CELSR3: variants seen among roughly 807,000 people sequenced by gnomAD.
CELSR3 encodes cadherin EGF LAG seven-pass G-type receptor 3.
Under a neutral mutation model 270.0 loss-of-function variants are expected in CELSR3, and 73 were observed. The ratio of observed to expected loss-of-function variants is 0.27; its 90% confidence interval spans 0.22 to 0.33. The LOEUF is 0.33. CELSR3 is among the 10% of genes least tolerant of loss of function. The pLI is 1.00. For synonymous variants in CELSR3, 1,780 were observed against 1,905.4 expected (o/e 0.93, Z 1.71); for missense variants, 3,614 against 4,533.8 (o/e 0.80, Z 5.83).
chr3:48,653,566 G>A lies in CELSR3; in HGVS notation c.5448+53C>T, dbSNP rs1184338600. On this transcript the variant is annotated intron_variant, in intron 9 of 34. Transcript: ENST00000164024. The surrounding 1 kb of genome is among the most constrained non-coding windows in gnomAD (Gnocchi z 6.5). ...ACCTGAACCCACAAGAATGTCAGTG[G>A]CGGCCTAAGAGACTGAGAACTGAGG... 1 of 1,578,344 alleles carries A rather than the reference G, an allele frequency of 6.3e-7. No individual in the cohort carries two copies. The highest frequency in any genetic ancestry group is 8.6e-7 in the Non-Finnish European group (1 of 1,156,616).
chr3:48,643,092 C>A lies in CELSR3; in HGVS notation c.8290-9G>T. On this transcript the variant is annotated splice_polypyrimidine_tract_variant and intron_variant, in intron 28 of 34. Coordinates refer to ENST00000164024, the MANE Select transcript of CELSR3 (RefSeq NM_001407.3). ...AGCAGCACCGCCAGGCCCTGTGGGT[C>A]AGCGAGGGTCAAAGCAGAGTCGGCA... 6.3e-7 allele frequency: 1 copy of A among 1,585,232 alleles called. No homozygotes were observed. The highest frequency in any genetic ancestry group is 1.1e-5 in the South Asian group (1 of 90,392).
In CELSR3 at chr3:48,650,432, C is replaced by CTGGG; in HGVS notation, c.6472+47_6472+48insCCCA. 1 of 1,208,942 alleles carries CTGGG rather than the reference C, an allele frequency of 8.3e-7. No homozygotes were observed. Among genetic ancestry groups the CTGGG allele is most frequent in the Non-Finnish European group, 1.2e-6 (1 of 844,582 alleles). The allele number at this position is 1,208,942 out of a possible 1,614,324, so 74.9% of individuals were successfully genotyped here. ...AGACATGGCTCTAGCAGTCAGAGTA[C>CTGGG]AGGCCCACCCCCACCCTCAGTGATG... is the stretch of plus-strand genomic sequence containing the variant. On this transcript the variant is annotated intron_variant, in intron 16 of 34. Coordinates refer to ENST00000164024, the MANE Select transcript of CELSR3 (RefSeq NM_001407.3). The surrounding 1 kb of genome is among the most constrained non-coding windows in gnomAD (Gnocchi z 5.1).
In CELSR3 at chr3:48,651,934, G is replaced by A; in HGVS notation, c.5866C>T (p.Pro1956Ser). The change falls in exon 12 of 35, where the codon CCA (proline) becomes TCA (serine). Residue 1956 changes from proline to serine, a missense_variant. This residue lies in a region of CELSR3 where 1,331 missense variants were observed against 1,933.7 expected (regional missense o/e 0.69). Transcript: ENST00000164024. The surrounding 1 kb of genome is among the most constrained non-coding windows in gnomAD (Gnocchi z 7.4). ...AGGTCCCGGCAGTCTGCGTGAGGTG[G>A]GCAGGGCCCAGAGGCACAGGCGTTG... ...VTNACASGPC[P>S]PHADCRDLWQ... 1 of 1,611,900 alleles carries A rather than the reference G, an allele frequency of 6.2e-7. No individual in the cohort carries two copies. Among genetic ancestry groups the A allele is most frequent in the Admixed American group, 1.7e-5 (1 of 59,684 alleles).
In CELSR3 at chr3:48,652,854, G is replaced by C. The variant is rs1024223378; in HGVS notation, c.5634+148C>G. On this transcript the variant is annotated intron_variant, in intron 10 of 34. Coordinates refer to ENST00000164024, the MANE Select transcript of CELSR3 (RefSeq NM_001407.3). The surrounding 1 kb of genome is among the most constrained non-coding windows in gnomAD (Gnocchi z 4.3). ...AACTTGGCTGGTGGGTGGGCTCAGT[G>C]CAAGGATATATGGTGGGGAACTAGG... 2.6e-6 allele frequency: 2 copies of C among 771,452 alleles called. No individual in the cohort carries two copies. The highest frequency in any genetic ancestry group is 3.4e-5 in the South Asian group (2 of 59,016). 47.8% of individuals were successfully genotyped at this position (771,452 alleles called of 1,614,324 possible).
rs990298492 is a variant in CELSR3 at position 48,645,707 on chromosome 3, C to A, written c.7590+35G>T. On this transcript the variant is annotated intron_variant, in intron 23 of 34. Coordinates refer to ENST00000164024, the MANE Select transcript of CELSR3 (RefSeq NM_001407.3). This position sits in a 1 kb window ranked among gnomAD's most constrained non-coding sequence, Gnocchi z 5.4. ...GGCAGAATCCCCGTGTCCCTTTGAC[C>A]CCCCACTTCCTTGGGACACTGAACA... 1.9e-6 allele frequency: 3 copies of A among 1,599,838 alleles called. No individual in the cohort carries two copies. The African/African-American group carries it at 4.0e-5, about 21-fold the overall frequency.
rs554742924 is a variant in CELSR3 at position 48,640,163 on chromosome 3, C to T, written c.9422G>A (p.Arg3141Gln). The change falls in exon 34 of 35, where the codon CGG becomes CAG. Residue 3141 changes from arginine to glutamine, a missense_variant. By Grantham distance (43) the Arg-to-Gln change is conservative (BLOSUM62 1). This residue lies in a region of CELSR3 where 1,240 missense variants were observed against 1,351.7 expected (regional missense o/e 0.92). Coordinates refer to ENST00000164024, the MANE Select transcript of CELSR3 (RefSeq NM_001407.3). This position sits in a 1 kb window ranked among gnomAD's most constrained non-coding sequence, Gnocchi z 7.5. ...PGAMAGRFGS[R>Q]DALDLGAPRE... is the part of the protein sequence containing the mutation. ...AGGTGCCCCTAAGTCGAGCGCATCC[C>T]GTGACCCGAAGCGGCCAGCCATGGC... 2.5e-5 allele frequency: 41 copies of T among 1,612,674 alleles called. No individual in the cohort carries two copies. The East Asian group carries it at 3.8e-4, about 15-fold the overall frequency.
chr3:48,653,838 C>T lies in CELSR3; in HGVS notation c.5278+40G>A. The T allele has an allele frequency of 3.1e-6, 5 of 1,612,268 alleles. No homozygotes were observed. The highest frequency in any genetic ancestry group is 4.2e-6 in the Non-Finnish European group (5 of 1,178,516). On this transcript the variant is annotated intron_variant, in intron 8 of 34. Coordinates refer to ENST00000164024, the MANE Select transcript of CELSR3 (RefSeq NM_001407.3). This position sits in a 1 kb window ranked among gnomAD's most constrained non-coding sequence, Gnocchi z 6.5. ...TACAGCCCCTGCCCCAGGAACAGAT[C>T]TGACCCTGCAGGCCCCTCTGCCCCA...
chr3:48,655,051 A>G lies in CELSR3; in HGVS notation c.4981T>C (p.Ser1661Pro), dbSNP rs1264661594. 6.2e-7 allele frequency: 1 copy of G among 1,613,668 alleles called. No homozygotes were observed. Among genetic ancestry groups the G allele is most frequent in the Non-Finnish European group, 8.5e-7 (1 of 1,179,838 alleles). The change falls in exon 6 of 35, where the codon TCC (serine) becomes CCC (proline). Residue 1661 changes from serine (S) to proline (P), a missense_variant. Coordinates refer to ENST00000164024, the MANE Select transcript of CELSR3 (RefSeq NM_001407.3). The surrounding 1 kb of genome is among the most constrained non-coding windows in gnomAD (Gnocchi z 5.8). ...SCAAAGVQTS[S>P]KKSLDLTGPL... is the part of the protein sequence containing the mutation. ...AGGGGGCAGGGGCCTCACTTCTTGG[A>G]GCTTGTTTGCACACCAGCAGCCGCG... is the stretch of plus-strand genomic sequence containing the variant.
chr3:48,647,816 C>T (rs756537418), intron 20 of CELSR3, 25 bp downstream of exon 20: 67 of 1,603,034 alleles, frequency 4.2e-5, no homozygotes, highest in Admixed American at 4.2e-4. Flanking sequence ...AGGACTTGGC[C>T]CAGGGGTCCC....
In CELSR3 at chr3:48,651,275, A is replaced by C; in HGVS notation, c.6186+84T>G. On this transcript the variant is annotated intron_variant, in intron 14 of 34. Coordinates refer to ENST00000164024, the MANE Select transcript of CELSR3 (RefSeq NM_001407.3). The surrounding 1 kb of genome is among the most constrained non-coding windows in gnomAD (Gnocchi z 7.4). Reference sequence around the variant, plus strand: ...GACACAGGCAAGAGGTTAGGGCCCAAGTCAGGTGGCGGAGGTCAGCAAGCT... The same window carrying C: ...GACACAGGCAAGAGGTTAGGGCCCACGTCAGGTGGCGGAGGTCAGCAAGCT... 1 of 1,582,250 alleles carries C rather than the reference A, an allele frequency of 6.3e-7. No homozygotes were observed.
Position 48,645,078 on chromosome 3 carries a change from G to A in CELSR3, c.7929C>T (p.Arg2643=), listed in dbSNP as rs755379489. ...CGCCCCAGCCCAGGGCATGGTAGAA[G>A]CGCATGGCGCCGCGGTCCACGTTGC... ...EPRNVDRGAM[R]FYHALGWGVP... The change falls in exon 25 of 35, where the codon CGC becomes CGT. Residue 2643 remains arginine (R), a synonymous_variant. Transcript: ENST00000164024. The surrounding 1 kb of genome is among the most constrained non-coding windows in gnomAD (Gnocchi z 5.4). 6.2e-7 allele frequency: 1 copy of A among 1,600,632 alleles called. No homozygotes were observed. Among genetic ancestry groups the A allele is most frequent in the Non-Finnish European group, 8.5e-7 (1 of 1,170,370 alleles).
Position 48,640,685 on chromosome 3 carries a change from T to C in CELSR3, c.9026-126A>G. ...ACACAGGGATGGGAGCAGGAACCCC[T>C]TGGGGAGCAGCAGAGGCAACCCTGG... On this transcript the variant is annotated intron_variant, in intron 33 of 34. Transcript: ENST00000164024. The surrounding 1 kb of genome is among the most constrained non-coding windows in gnomAD (Gnocchi z 7.5). 1 of 1,106,836 alleles carries C rather than the reference T, an allele frequency of 9.0e-7. No homozygotes were observed. The highest frequency in any genetic ancestry group is 1.2e-6 in the Non-Finnish European group (1 of 800,360). The allele number at this position is 1,106,836 out of a possible 1,614,324, so 68.6% of individuals were successfully genotyped here.
At position 48,657,356 on chromosome 3, in the gene CELSR3, C is replaced by T. The variant is rs757901870; in HGVS notation, c.3749-8G>A. ...TCACGCTGTGCAGGCCATCTGCAGG[C>T]GGGGGCAGGGGCAGTGGTCATCCTG... On this transcript the variant is annotated splice_polypyrimidine_tract_variant and splice_region_variant and intron_variant, in intron 1 of 34. Transcript: ENST00000164024. The surrounding 1 kb of genome is among the most constrained non-coding windows in gnomAD (Gnocchi z 5.4). 4 of 1,577,456 alleles carry T rather than the reference C, an allele frequency of 2.5e-6. No homozygotes were observed. Among genetic ancestry groups the T allele is most frequent in the Non-Finnish European group, 3.4e-6 (4 of 1,161,684 alleles).
At position 48,654,050 on chromosome 3, in the gene CELSR3, G is replaced by A. The variant is rs776597096; in HGVS notation, c.5153-47C>T. 3.7e-6 allele frequency: 6 copies of A among 1,600,196 alleles called. No individual in the cohort carries two copies. The highest frequency in any genetic ancestry group is 1.8e-4 in the Middle Eastern group (1 of 5,492). On this transcript the variant is annotated intron_variant, in intron 7 of 34. Coordinates refer to ENST00000164024, the MANE Select transcript of CELSR3 (RefSeq NM_001407.3). This position sits in a 1 kb window ranked among gnomAD's most constrained non-coding sequence, Gnocchi z 5.4. Reference sequence around the variant, plus strand: ...CGGACATGAGAACAAGGGTTGGGGGGCACAAGTGCTGGACAGGACTTTAGT... The same window carrying A: ...CGGACATGAGAACAAGGGTTGGGGGACACAAGTGCTGGACAGGACTTTAGT...
In CELSR3 at chr3:48,655,714, C is replaced by T. The variant is rs776595764; in HGVS notation, c.4741+22G>A. On this transcript the variant is annotated intron_variant, in intron 4 of 34. Coordinates refer to ENST00000164024, the MANE Select transcript of CELSR3 (RefSeq NM_001407.3). The surrounding 1 kb of genome is among the most constrained non-coding windows in gnomAD (Gnocchi z 5.8). ...CCTCCAGCACACACGCACCCTTTCG[C>T]CGTCACATCCGGGGCACCCACCCGT... 4 of 1,599,272 alleles carry T rather than the reference C, an allele frequency of 2.5e-6. No individual in the cohort carries two copies. Among genetic ancestry groups the T allele is most frequent in the East Asian group, 4.5e-5 (2 of 44,796 alleles).
chr3:48,644,996 GC>G lies in CELSR3; in HGVS notation c.7972+38del, dbSNP rs766034751. Reference sequence around the variant, plus strand: ...GAGTGGGGACAGGGTCAGGGGTCAGGCCATGTGATGGTTGGAGGTTGGGGGT... The same window carrying G: ...GAGTGGGGACAGGGTCAGGGGTCAGGCATGTGATGGTTGGAGGTTGGGGGT... On this transcript the variant is annotated intron_variant, in intron 25 of 34. Transcript: ENST00000164024. The surrounding 1 kb of genome is among the most constrained non-coding windows in gnomAD (Gnocchi z 4.8). 1.3e-5 allele frequency: 20 copies of G among 1,558,610 alleles called. No homozygotes were observed. The highest frequency in any genetic ancestry group is 1.9e-4 in the Middle Eastern group (1 of 5,306).
chr3:48,648,789 T>C lies in CELSR3; in HGVS notation c.6707A>G (p.His2236Arg). The C allele has an allele frequency of 6.2e-7, 1 of 1,612,944 alleles. No homozygotes were observed. Among genetic ancestry groups the C allele is most frequent in the South Asian group, 1.1e-5 (1 of 91,078 alleles). The change falls in exon 18 of 35, where the codon CAC (histidine) becomes CGC (arginine). Residue 2236 changes from histidine to arginine, a missense_variant. Physicochemically the swap from His to Arg is conservative, Grantham distance 29. This residue lies in a region of CELSR3 where 1,331 missense variants were observed against 1,933.7 expected (regional missense o/e 0.69). Coordinates refer to ENST00000164024, the MANE Select transcript of CELSR3 (RefSeq NM_001407.3). ...DVRVTARLLA[H>R]LLAFESHQQG... is the part of the protein sequence containing the mutation. ...CTGATGGCTCTCGAAGGCCAGCAGG[T>C]GGGCCAGCAGGCGGGCAGTGACTCG...
In CELSR3 at chr3:48,662,350, G is replaced by C. The variant is rs1205740667; in HGVS notation, c.285C>G (p.Ala95=). Residue 95 remains alanine, a synonymous_variant, in exon 1 of 35, where the codon GCC becomes GCG. Transcript: ENST00000164024. The surrounding 1 kb of genome is among the most constrained non-coding windows in gnomAD (Gnocchi z 7.1). ...FVGLRGRRQS[A]RNSRGPPEQP... ...GCTCAGGGGGCCCTCGACTATTCCG[G>C]GCGCTTTGCCTTCTCCCTCGGAGCC... is the stretch of plus-strand genomic sequence containing the variant. The C allele has an allele frequency of 1.2e-6, 2 of 1,613,010 alleles. No homozygotes were observed. Among genetic ancestry groups the C allele is most frequent in the African/African-American group, 2.7e-5 (2 of 75,050 alleles).
Position 48,644,311 on chromosome 3 carries a change from G to T in CELSR3, c.8086-16C>A. ...TCCCGTTCATCTGGACCCACGGCCA[G>T]ACATGTGGGGCCGGGCAGGGCAGAG... On this transcript the variant is annotated splice_polypyrimidine_tract_variant and intron_variant, in intron 26 of 34. Transcript: ENST00000164024. This position sits in a 1 kb window ranked among gnomAD's most constrained non-coding sequence, Gnocchi z 4.8. 6.2e-7 allele frequency: 1 copy of T among 1,611,612 alleles called. No individual in the cohort carries two copies. Among genetic ancestry groups the T allele is most frequent in the Non-Finnish European group, 8.5e-7 (1 of 1,178,586 alleles).
Sources: allele counts gnomAD v4.1 joint callset, GRCh38; gene constraint gnomAD v4.1.1; regional missense constraint gnomAD v4.1.1; non-coding constraint Gnocchi (gnomAD v3.1); transcripts MANE v1.5; gene names NCBI Gene and HGNC (gene_info 2026-07-23, HGNC 2026-07-21).